Variants in C12orf56 observed in about 807,000 individuals in gnomAD.
The protein encoded by C12orf56 is chromosome 12 open reading frame 56.
C12orf56 carries 71 observed loss-of-function variants against 69.9 expected under a neutral mutation model. The ratio of observed to expected loss-of-function variants is 1.02; its 90% CI spans 0.84 to 1.24. C12orf56 has a LOEUF of 1.24. Among genes scored for constraint, C12orf56 ranks in the 50% most tolerant of loss-of-function variants. The pLI is 0.00. For synonymous variants in C12orf56, 276 were observed against 274.1 expected (o/e 1.01, Z -0.07); for missense variants, 732 against 738.5 (o/e 0.99, Z 0.10).
At chr12:64,367,753 C>G (rs950493286) in intron 1 of C12orf56, among the ~76,000 whole-genome samples, 1 of 151,320 alleles carries the variant, frequency 6.6e-6, no homozygotes, top group African/African-American at 2.4e-5. Flanking sequence ...ATCCACCTGC[C>G]GCAGCCTCCC....
At chr12:64,373,434 T>C (rs981647556) in intron 1 of C12orf56, among the ~76,000 whole-genome samples, 14 of 152,058 alleles carry the variant, frequency 9.2e-5, no homozygotes, top group African/African-American at 2.4e-4. Context: ...TGGGCAACAG[T>C]GCAAGACCTG....
chr12:64,358,931 T>G (rs1410344662), intron 1 of C12orf56, among the ~76,000 whole-genome samples: 1 of 152,192 alleles, frequency 6.6e-6, no homozygotes, highest in Non-Finnish European at 1.5e-5. Flanking sequence ...GAAGGTGGTT[T>G]CTTCTTCTTT....
At chr12:64,319,464 G>A (rs1350761230) in intron 3 of C12orf56, among the ~76,000 whole-genome samples, 3 of 152,110 alleles carry the variant, frequency 2.0e-5, no homozygotes, top group Non-Finnish European at 4.4e-5. Context: ...GGTGCCATCT[G>A]GGCTGTCTGT....
intron 5 of C12orf56, among the ~76,000 whole-genome samples, chr12:64,304,579 G>T (rs1350930066): frequency 6.6e-6 from 1 of 152,100 alleles, no homozygotes; most frequent in Non-Finnish European, 1.5e-5. Context: ...ACTCATTGTA[G>T]TTAGTTACTC....
intron 1 of C12orf56, among the ~76,000 whole-genome samples, chr12:64,359,443 G>A (rs2135958915): frequency 6.6e-6 from 1 of 152,048 alleles, no homozygotes; most frequent in East Asian, 1.9e-4. Flanking sequence ...TGGGTAGAAG[G>A]AAAAGATGTA....
chr12:64,374,585 C>T (rs2039616745), intron 1 of C12orf56, among the ~76,000 whole-genome samples: 1 of 151,408 alleles, frequency 6.6e-6, no homozygotes, highest in Non-Finnish European at 1.5e-5. Context: ...TCGCTGTCAC[C>T]TAGGCTGGAG....
chr12:64,313,695 G>T (rs2038652871), intron 4 of C12orf56, among the ~76,000 whole-genome samples: 1 of 151,044 alleles, frequency 6.6e-6, no homozygotes, highest in Non-Finnish European at 1.5e-5. Context: ...TATTAATCTG[G>T]AACTTGATTT....
At chr12:64,283,974 T>C (rs964802642) in intron 8 of C12orf56, among the ~76,000 whole-genome samples, 1 of 149,680 alleles carries the variant, frequency 6.7e-6, no homozygotes, top group Non-Finnish European at 1.5e-5. Flanking sequence ...CTCAGCTCAC[T>C]GCAACCTCCA....
At chr12:64,366,315 A>T (rs1269349289) in intron 1 of C12orf56, among the ~76,000 whole-genome samples, 1 of 101,852 alleles carries the variant, frequency 9.8e-6, no homozygotes, top group East Asian at 3.1e-4. Context: ...TATTATATAC[A>T]GTTTATTATA....
chr12:64,365,288 C>T (rs2039450378), intron 1 of C12orf56, among the ~76,000 whole-genome samples: 1 of 151,306 alleles, frequency 6.6e-6, no homozygotes, highest in African/African-American at 2.4e-5. Flanking sequence ...CTTCAGCCTC[C>T]CGAGTAACTG....
chr12:64,386,777 C>T (rs1236896655), intron 1 of C12orf56, among the ~76,000 whole-genome samples: 1 of 151,810 alleles, frequency 6.6e-6, no homozygotes, highest in African/African-American at 2.4e-5. Context: ...GTGATCTGCC[C>T]GCCTGGGCCT....
At chr12:64,353,768 A>C (rs1047830689) in intron 1 of C12orf56, among the ~76,000 whole-genome samples, 3 of 151,770 alleles carry the variant, frequency 2.0e-5, no homozygotes, top group African/African-American at 7.3e-5. Context: ...TACAACCTCC[A>C]CCTCCTGGGT....
At chr12:64,308,889 G>GAAGGAAGAAAGA (rs2038554083) in intron 5 of C12orf56, among the ~76,000 whole-genome samples, 3 of 69,330 alleles carry the variant, frequency 4.3e-5, no homozygotes, top group African/African-American at 1.4e-4. Flanking sequence ...AAACAGAAAG[G>GAAGGAAGAAAGA]AAGAAAGAAA....
intron 8 of C12orf56, among the ~76,000 whole-genome samples, chr12:64,283,009 G>A (rs2038152375): frequency 6.6e-6 from 1 of 151,574 alleles, no homozygotes; most frequent in Non-Finnish European, 1.5e-5. Context: ...GGGCATGGTG[G>A]TGCACGCCTG....
chr12:64,286,132 T>A, intron 6 of C12orf56, 72 bp from the exon 7 acceptor site: 1 of 907,986 alleles, frequency 1.1e-6, no homozygotes, highest in Non-Finnish European at 1.7e-6. Context: ...TCTCATGTAC[T>A]AAAAATATGA....
At chr12:64,308,928 GAAAGAAAGAAAGAAGAAAGA>G (rs1423622431) in intron 5 of C12orf56, among the ~76,000 whole-genome samples, 5 of 38,058 alleles carry the variant, frequency 1.3e-4, no homozygotes, top group African/African-American at 4.7e-4. Flanking sequence ...AAGAAAGAAA[GAAAGAAAGAAAGAAGAAAGA>G]AAGAAAGAAA....
chr12:64,308,196 T>G (rs2038541335), intron 5 of C12orf56, among the ~76,000 whole-genome samples: 1 of 149,482 alleles, frequency 6.7e-6, no homozygotes, highest in African/African-American at 2.5e-5. Context: ...CTGGTGCACA[T>G]CTGTAGTCCC....
chr12:64,333,701 C>T (rs2136869795), intron 2 of C12orf56, among the ~76,000 whole-genome samples: 1 of 152,058 alleles, frequency 6.6e-6, no homozygotes, highest in South Asian at 2.1e-4. Context: ...GGGGTTTCAC[C>T]ACTTTGTCCA....
intron 5 of C12orf56, among the ~76,000 whole-genome samples, chr12:64,308,941 A>AG (rs2038564035): frequency 2.3e-4 from 1 of 4,264 alleles, no homozygotes; most frequent in Non-Finnish European, 6.6e-4. Context: ...AGAAAGAAAG[A>AG]AGAAAGAAAG....
Sources: gnomAD v4.1 joint callset for allele counts (sites outside exome capture counted in the v4.1 genomes callset) on GRCh38, gnomAD v4.1.1 for gene constraint, MANE v1.5 for transcripts, NCBI Gene and HGNC (gene_info 2026-07-23, HGNC 2026-07-21) for gene names.